ZBTB3: variants seen among roughly 807,000 people sequenced by gnomAD.
The protein encoded by ZBTB3 is zinc finger and BTB domain-containing protein 3.
In ZBTB3, 15 loss-of-function variants were observed where a neutral mutation model predicts 30.6. The observed-to-expected ratio is 0.49, with a 90% CI of 0.33 to 0.75. The LOEUF (loss-of-function observed/expected upper bound fraction) is 0.75, where lower values mean the gene tolerates loss of function less well. Among genes scored for constraint, ZBTB3 ranks in the 30% least tolerant of loss-of-function variants. ZBTB3 has a pLI of 0.02. For missense variants in ZBTB3, 599 were observed against 652.1 expected, an observed-to-expected ratio of 0.92 and a Z score of 0.89; for synonymous variants, 258 against 261.7, an observed-to-expected ratio of 0.99 and a Z score of 0.14.
Position 62,754,142 on chromosome 11 carries a change from C to T in ZBTB3, c.-230G>A, listed in dbSNP as rs554742984. 5.0e-6 allele frequency: 7 copies of T among 1,412,088 alleles called. No homozygotes were observed. In the South Asian group the frequency reaches 8.1e-5, roughly 16 times the overall value. 87.5% of individuals were successfully genotyped at this position (1,412,088 alleles called of 1,614,324 possible). On this transcript the variant is annotated 5_prime_UTR_variant, in exon 1 of 2. Coordinates refer to ENST00000394807, the MANE Select transcript of ZBTB3 (RefSeq NM_001370809.1). ...AGCTGATACCTCACCCACCACCGAG[C>T]AGCCACAGGGCGAGCTCCGCCCCTT...
intron 1 of ZBTB3, 72 bp from the exon 2 acceptor site, chr11:62,753,787 G>A: frequency 6.5e-7 from 1 of 1,541,696 alleles, no homozygotes; most frequent in Non-Finnish European, 8.7e-7. Flanking sequence ...ACTATCACTT[G>A]CCACTCCAAA....
Position 62,753,327 on chromosome 11 carries a change from T to C in ZBTB3, c.338A>G (p.Lys113Arg). The change falls in exon 2 of 2, where the codon AAG becomes AGG. Residue 113 changes from lysine (K) to arginine (R), a missense_variant. By Grantham distance (26) the Lys-to-Arg change is conservative (BLOSUM62 2). Transcript: ENST00000394807. ...GGCTTGAAGCCGCCGCTTACACACC[T>C]TGACGATGTCATTCATGTGCAAGTA... ...ASYLHMNDIV[K>R]VCKRRLQARA... 1.2e-6 allele frequency: 2 copies of C among 1,614,146 alleles called. No homozygotes were observed. The highest frequency in any genetic ancestry group is 8.5e-7 in the Non-Finnish European group (1 of 1,180,054).
rs1431400348 is a variant in ZBTB3 at position 62,751,013 on chromosome 11, G to A, written c.*1077C>T. 3 of 152,130 alleles carry A rather than the reference G, an allele frequency of 2.0e-5. No homozygotes were observed. The highest frequency in any genetic ancestry group is 4.4e-5 in the Non-Finnish European group (3 of 68,036). 9.4% of individuals were successfully genotyped at this position (152,130 alleles called of 1,614,324 possible). A position where few individuals can be genotyped will look rare whatever the true frequency, so the allele number is the denominator to read the frequency against. ...CTTTATGTTCCAGAACATACAGTGA[G>A]AAGCGATTACACCTCAGGAAAATTC... On this transcript the variant is annotated 3_prime_UTR_variant, in exon 2 of 2. Transcript: ENST00000394807.
chr11:62,752,830 TTGGGGCTGAGGC>T lies in ZBTB3; in HGVS notation c.823_834del (p.Ala275_Pro278del). 1.9e-6 allele frequency: 3 copies of T among 1,613,996 alleles called. No individual in the cohort carries two copies. Among genetic ancestry groups the T allele is most frequent in the African/African-American group, 1.3e-5 (1 of 74,992 alleles). On this transcript the variant is annotated inframe_deletion, in exon 2 of 2. Transcript: ENST00000394807. ...GCTGAGACAGGGGCTGGGGCTGACGTTGGGGCTGAGGCTGGGGGATAGAAGCCTTGCAGTGGT... is the reference window on the plus strand; with the variant it reads ...GCTGAGACAGGGGCTGGGGCTGACGTTGGGGGATAGAAGCCTTGCAGTGGT...
Position 62,752,453 on chromosome 11 carries a change from A to C in ZBTB3, c.1212T>G (p.Ser404=). ...PASLHEPLYL[S]SEYEAAPGSF... is the part of the protein sequence containing the mutation. ...TTCCTGGAGCTGCTTCGTACTCAGAAGACAGGTAAAGTGGCTCATGCAGGG... is the reference window on the plus strand; with the variant it reads ...TTCCTGGAGCTGCTTCGTACTCAGACGACAGGTAAAGTGGCTCATGCAGGG... Residue 404 remains serine (S), a synonymous_variant, in exon 2 of 2, where the codon TCT becomes TCG. Coordinates refer to ENST00000394807, the MANE Select transcript of ZBTB3 (RefSeq NM_001370809.1). 9 of 1,614,194 alleles carry C rather than the reference A, an allele frequency of 5.6e-6. No homozygotes were observed. Among genetic ancestry groups the C allele is most frequent in the Non-Finnish European group, 6.8e-6 (8 of 1,180,036 alleles).
At position 62,753,714 on chromosome 11, in the gene ZBTB3, C is replaced by A; in HGVS notation, c.-50G>T. The A allele has an allele frequency of 6.3e-7, 1 of 1,586,744 alleles. No individual in the cohort carries two copies. The highest frequency in any genetic ancestry group is 8.6e-7 in the Non-Finnish European group (1 of 1,169,322). ...CCAAAAAAGGTCCCCACCAGTGGCT[C>A]CCTGAGAAAAAAGGGCAGTGAGTTA... On this transcript the variant is annotated splice_region_variant and 5_prime_UTR_variant, in exon 2 of 2. Coordinates refer to ENST00000394807, the MANE Select transcript of ZBTB3 (RefSeq NM_001370809.1).
Position 62,752,064 on chromosome 11 carries a change from G to A in ZBTB3, c.*26C>T. 6.4e-7 allele frequency: 1 copy of A among 1,558,732 alleles called. No homozygotes were observed. Among genetic ancestry groups the A allele is most frequent in the Non-Finnish European group, 8.7e-7 (1 of 1,150,406 alleles). On this transcript the variant is annotated 3_prime_UTR_variant, in exon 2 of 2. Transcript: ENST00000394807. ...GAGCTGCCATCTAAGGATGGTAAGA[G>A]CAGCCTAGCATCAGCTCATGCTCCC...
Position 62,751,853 on chromosome 11 carries a change from T to C in ZBTB3, c.*237A>G, listed in dbSNP as rs2084014914. On this transcript the variant is annotated 3_prime_UTR_variant, in exon 2 of 2. Coordinates refer to ENST00000394807, the MANE Select transcript of ZBTB3 (RefSeq NM_001370809.1). ...GGGAGGCTGAGGCAGGAGAATGGCG[T>C]GAATCGGGGAGGCTGAGCTTGCAGT... 1.2e-5 allele frequency: 4 copies of C among 326,886 alleles called. No homozygotes were observed. Among genetic ancestry groups the C allele is most frequent in the Admixed American group, 9.2e-5 (2 of 21,768 alleles). 20.2% of individuals were successfully genotyped at this position (326,886 alleles called of 1,614,324 possible). A position where few individuals can be genotyped will look rare whatever the true frequency, so the allele number is the denominator to read the frequency against.
At chr11:62,753,759 C>A in intron 1 of ZBTB3, 44 bp from the exon 2 acceptor site, 1 of 1,557,540 alleles carries the variant, frequency 6.4e-7, no homozygotes, top group Non-Finnish European at 8.6e-7. Flanking sequence ...ACCTCCCCAG[C>A]AACCTTATCA....
rs1565178567 is a variant in ZBTB3, at chr11:62,752,514, CGAT to C, written c.1148_1150del (p.His383del). The stretch of plus-strand genomic sequence containing the variant: ...AGGCAGAGGTGAGGTCACCAGTCCT[CGAT>C]GATACTGCCCTGCACCTGGCAGCAG... On this transcript the variant is annotated inframe_deletion, in exon 2 of 2. Transcript: ENST00000394807. 6.2e-7 allele frequency: 1 copy of C among 1,614,102 alleles called. No individual in the cohort carries two copies. The highest frequency in any genetic ancestry group is 1.7e-5 in the Admixed American group (1 of 60,004).
chr11:62,752,330 T>C lies in ZBTB3; in HGVS notation c.1335A>G (p.Thr445=). The C allele has an allele frequency of 6.2e-7, 1 of 1,614,106 alleles. No individual in the cohort carries two copies. The highest frequency in any genetic ancestry group is 8.5e-7 in the Non-Finnish European group (1 of 1,180,024). The part of the protein sequence containing the change: ...YTLRRHATVH[T]RERPYECRYC... ...AGCGGCACTCATAGGGTCGCTCACGTGTGTGCACCGTGGCATGTCGCCGTA... is the reference window on the plus strand; with the variant it reads ...AGCGGCACTCATAGGGTCGCTCACGCGTGTGCACCGTGGCATGTCGCCGTA... The change falls in exon 2 of 2, where the codon ACA becomes ACG. Residue 445 remains threonine, a synonymous_variant. Transcript: ENST00000394807.
chr11:62,751,962 A>C lies in ZBTB3; in HGVS notation c.*128T>G. ...AAAAATAAAAGATTAAAAAAAAAAA[A>C]GGGTAGGAACTTTCAGCCTGGGCAG... is the stretch of plus-strand genomic sequence containing the variant. On this transcript the variant is annotated 3_prime_UTR_variant, in exon 2 of 2. Coordinates refer to ENST00000394807, the MANE Select transcript of ZBTB3 (RefSeq NM_001370809.1). 1 of 823,070 alleles carries C rather than the reference A, an allele frequency of 1.2e-6. No individual in the cohort carries two copies. The highest frequency in any genetic ancestry group is 1.8e-6 in the Non-Finnish European group (1 of 559,376). 51.0% of individuals were successfully genotyped at this position (823,070 alleles called of 1,614,324 possible).
At chr11:62,753,866 A>G (rs1483285976) in intron 1 of ZBTB3, 98 bp downstream of exon 1, 2 of 1,562,372 alleles carry the variant, frequency 1.3e-6, no homozygotes, top group Admixed American at 1.8e-5. Context: ...AGCTCCGCCC[A>G]CCTCGGCCTA....
At position 62,752,012 on chromosome 11, in the gene ZBTB3, G is replaced by A. The variant is rs1186540592; in HGVS notation, c.*78C>T. The A allele has an allele frequency of 2.2e-6, 3 of 1,357,312 alleles. No homozygotes were observed. Among genetic ancestry groups the A allele is most frequent in the South Asian group, 1.4e-5 (1 of 71,568 alleles). The allele number at this position is 1,357,312 out of a possible 1,614,324, so 84.1% of individuals were successfully genotyped here. On this transcript the variant is annotated 3_prime_UTR_variant, in exon 2 of 2. Transcript: ENST00000394807. ...GAGCCTTTATTCTTGTCACCCAGCA[G>A]GGGTGATAAGGTGCCACCAACCTTC...
In ZBTB3 at chr11:62,754,000, T is replaced by A. The variant is rs762618923; in HGVS notation, c.-88A>T. The A allele has an allele frequency of 3.1e-6, 5 of 1,613,960 alleles. No homozygotes were observed. The highest frequency in any genetic ancestry group is 4.2e-6 in the Non-Finnish European group (5 of 1,179,994). On this transcript the variant is annotated 5_prime_UTR_variant, in exon 1 of 2. Coordinates refer to ENST00000394807, the MANE Select transcript of ZBTB3 (RefSeq NM_001370809.1). Reference sequence around the variant, plus strand: ...CAACGGCTCCACGAAGTAGAGATCTTTTTCGCTCCCAGGCCTTGCCAGGCG... The same window carrying A: ...CAACGGCTCCACGAAGTAGAGATCTATTTCGCTCCCAGGCCTTGCCAGGCG...
chr11:62,754,038 C>T lies in ZBTB3; in HGVS notation c.-126G>A, dbSNP rs1290211148. On this transcript the variant is annotated 5_prime_UTR_variant, in exon 1 of 2. Coordinates refer to ENST00000394807, the MANE Select transcript of ZBTB3 (RefSeq NM_001370809.1). Reference sequence around the variant, plus strand: ...GCCTTGCCAGGCGATGCCTCTACGCCCCACTTCGAGAACTCCCTAAGCATC... The same window carrying T: ...GCCTTGCCAGGCGATGCCTCTACGCTCCACTTCGAGAACTCCCTAAGCATC... 21 of 1,614,152 alleles carry T rather than the reference C, an allele frequency of 1.3e-5. No homozygotes were observed. The highest frequency in any genetic ancestry group is 1.8e-5 in the Non-Finnish European group (21 of 1,180,020).
intron 1 of ZBTB3, 75 bp downstream of exon 1, chr11:62,753,889 G>A (rs562754719): frequency 9.5e-6 from 15 of 1,587,274 alleles, no homozygotes; most frequent in Non-Finnish European, 1.2e-5. Context: ...CTTAGAACAG[G>A]CCCCACCCCC....
rs36089406 is a variant in ZBTB3, at chr11:62,751,525, C to CAAAAAAA, written c.*558_*564dup. 2.0e-5 allele frequency: 1 copy of CAAAAAAA among 50,058 alleles called. No homozygotes were observed. The highest frequency in any genetic ancestry group is 4.2e-5 in the Non-Finnish European group (1 of 23,592). The allele number at this position is 50,058 out of a possible 1,614,324, so 3.1% of individuals were successfully genotyped here. ...TGGGGGACAGAGTGAGACTCTGTCT[C>CAAAAAAA]AAAAAAAAAAAAAAAAAAAGGAATC... On this transcript the variant is annotated 3_prime_UTR_variant, in exon 2 of 2. Transcript: ENST00000394807.
At chr11:62,753,795 A>T in intron 1 of ZBTB3, 80 bp from the exon 2 acceptor site, 1 of 1,538,200 alleles carries the variant, frequency 6.5e-7, no homozygotes, top group Non-Finnish European at 8.7e-7. Context: ...TTGCCACTCC[A>T]AAACAATCGC....
Sources: allele counts gnomAD v4.1 joint callset, GRCh38; gene constraint gnomAD v4.1.1; transcripts MANE v1.5; gene names NCBI Gene and HGNC (gene_info 2026-07-23, HGNC 2026-07-21).